EZR: variants seen among roughly 807,000 people sequenced by gnomAD.
EZR encodes the protein ezrin, also known as cytovillin 2.
EZR carries 40 observed loss-of-function variants against 74.8 expected under a neutral mutation model. The ratio of observed to expected loss-of-function variants is 0.53; its 90% CI spans 0.42 to 0.70. The LOEUF (loss-of-function observed/expected upper bound fraction) is 0.70. Ranked by LOEUF, EZR falls within the 30% of genes least tolerant of loss-of-function variation. The pLI, the probability that EZR is intolerant of heterozygous loss-of-function variation, is 0.00. For missense variants in EZR, 678 were observed against 755.8 expected (o/e 0.90, Z 1.21); for synonymous variants, 341 against 283.3 (o/e 1.20, Z -2.05).
chr6:158,767,633 CTGTGG>C, intron 12 of EZR, 121 bp from the exon 13 acceptor site: 2 of 1,093,518 alleles, frequency 1.8e-6, no homozygotes, highest in African/African-American at 1.6e-5. Flanking sequence ...CTGTGCTGGG[CTGTGG>C]CTTCGAAGAG....
chr6:158,818,210 T>A, intron 1 of EZR, 44 bp from the exon 2 acceptor site: 1 of 1,131,450 alleles, frequency 8.8e-7, no homozygotes, highest in Non-Finnish European at 1.2e-6. Context: ...CCGCCCTGCC[T>A]CGTCCTCCTG....
At chr6:158,782,966 G>A (rs1256450919) in intron 7 of EZR, among the ~76,000 whole-genome samples, 2 of 152,308 alleles carry the variant, frequency 1.3e-5, no homozygotes, top group Admixed American at 6.5e-5. Flanking sequence ...TGGCTCTGCT[G>A]CTCTACCCAG....
At chr6:158,770,525 T>G (rs1446032424) in intron 10 of EZR, among the ~76,000 whole-genome samples, 1 of 152,208 alleles carries the variant, frequency 6.6e-6, no homozygotes, top group East Asian at 1.9e-4. Flanking sequence ...GATTGAGCAC[T>G]TACCGCAAAA....
intron 8 of EZR, among the ~76,000 whole-genome samples, chr6:158,771,861 C>G (rs1331849343): frequency 5.3e-5 from 8 of 152,212 alleles, no homozygotes; most frequent in Admixed American, 4.6e-4. Flanking sequence ...TCCCCATCCC[C>G]GATGCTTGCC....
intron 8 of EZR, among the ~76,000 whole-genome samples, chr6:158,772,108 A>AG (rs1791129383): frequency 2.0e-5 from 3 of 152,196 alleles, no homozygotes; most frequent in Admixed American, 6.5e-5. Context: ...TGCTCCTGCC[A>AG]CACCAGCTAC....
intron 2 of EZR, chr6:158,789,661 C>T: frequency 2.0e-6 from 1 of 504,938 alleles, no homozygotes; most frequent in Non-Finnish European, 3.9e-6. Flanking sequence ...GCTCTGTCAC[C>T]CAAGCTGGAG....
rs577563500 is a variant in EZR at position 158,776,573 on chromosome 6, C to A, written c.699-69G>T. The stretch of plus-strand genomic sequence containing the variant: ...GTTCTTGGATTGGCTAAGAGAGATT[C>A]GCAAATCAATTCTTATTAGTTCAAT... On this transcript the variant is annotated intron_variant, in intron 7 of 13. Transcript: ENST00000367075. 13 of 1,101,406 alleles carry A rather than the reference C, an allele frequency of 1.2e-5. No homozygotes were observed. The South Asian group carries it at 1.6e-4, about 14-fold the overall frequency. The allele number at this position is 1,101,406 out of a possible 1,614,324, so 68.2% of individuals were successfully genotyped here.
At chr6:158,775,470 T>C (rs1190087214) in intron 8 of EZR, among the ~76,000 whole-genome samples, 3 of 152,248 alleles carry the variant, frequency 2.0e-5, no homozygotes, top group African/African-American at 7.2e-5. Flanking sequence ...GGATTTACCA[T>C]TGCTAAGCAG....
Position 158,781,886 on chromosome 6 carries a change from CCTGA to C in EZR, c.698+1630_698+1633del, listed in dbSNP as rs546231884. Among the ~76,000 whole-genome samples, 5 of 152,170 alleles carry C rather than the reference CCTGA, an allele frequency of 3.3e-5. No individual in the cohort carries two copies. The South Asian group carries it at 6.2e-4, about 19-fold the overall frequency. On this transcript the variant is annotated intron_variant, in intron 7 of 13. Transcript: ENST00000367075. ...TCAAGTGATCCTCCCACCTCAGCCA[CCTGA>C]CTGAGACCACAGGCGTGCACCACCA... is the stretch of plus-strand genomic sequence containing the variant.
At chr6:158,797,573 C>G (rs1031179522) in intron 2 of EZR, among the ~76,000 whole-genome samples, 1 of 152,074 alleles carries the variant, frequency 6.6e-6, no homozygotes, top group African/African-American at 2.4e-5. Context: ...TCCGAAGGTG[C>G]CACTTCAGCA....
chr6:158,771,671 G>A (rs973420092), intron 8 of EZR, among the ~76,000 whole-genome samples: 1 of 152,194 alleles, frequency 6.6e-6, no homozygotes, highest in Admixed American at 6.5e-5. Flanking sequence ...GGTGCCGCGT[G>A]TGTGTGCAGT....
intron 4 of EZR, among the ~76,000 whole-genome samples, chr6:158,785,924 T>C (rs1791568709): frequency 6.6e-6 from 1 of 152,072 alleles, no homozygotes; most frequent in Non-Finnish European, 1.5e-5. Flanking sequence ...TGGTGATGCA[T>C]GCTTATAGTC....
chr6:158,783,744 TA>T, intron 6 of EZR, 78 bp from the exon 7 acceptor site: 3 of 1,475,892 alleles, frequency 2.0e-6, no homozygotes. Context: ...CCAGTATTTT[TA>T]AATTAAGGCG....
At chr6:158,772,020 A>G (rs1263820077) in intron 8 of EZR, among the ~76,000 whole-genome samples, 1 of 151,932 alleles carries the variant, frequency 6.6e-6, no homozygotes, top group African/African-American at 2.4e-5. Context: ...CCTGGGCCCA[A>G]CCCACACAGA....
chr6:158,815,357 C>T (rs999808945), intron 2 of EZR, among the ~76,000 whole-genome samples: 2 of 152,218 alleles, frequency 1.3e-5, no homozygotes, highest in Non-Finnish European at 2.9e-5. Context: ...ATAATTTACA[C>T]ACAGAAAGGC....
At chr6:158,799,337 G>A (rs1049826109) in intron 2 of EZR, among the ~76,000 whole-genome samples, 3 of 152,218 alleles carry the variant, frequency 2.0e-5, no homozygotes, top group Non-Finnish European at 2.9e-5. Flanking sequence ...CCAAGGTCAC[G>A]CTATGACCAA....
chr6:158,796,864 T>C (rs1442628450), intron 2 of EZR, among the ~76,000 whole-genome samples: 1 of 152,218 alleles, frequency 6.6e-6, no homozygotes, highest in Non-Finnish European at 1.5e-5. Flanking sequence ...CAGAATATAG[T>C]TGGGAAAACA....
At chr6:158,803,832 C>T (rs1015187595) in intron 2 of EZR, among the ~76,000 whole-genome samples, 10 of 151,434 alleles carry the variant, frequency 6.6e-5, no homozygotes, top group African/African-American at 2.2e-4. Context: ...ACACAAAAAG[C>T]GGACAAACCA....
At position 158,767,069 on chromosome 6, in the gene EZR, T is replaced by C. The variant is rs1166544580; in HGVS notation, c.1606A>G (p.Ser536Gly). Residue 536 changes from serine (S) to glycine (G), a missense_variant, in exon 14 of 14, where the codon AGC becomes GGC. Coordinates refer to ENST00000367075, the MANE Select transcript of EZR (RefSeq NM_001111077.2). ...RVQRQLLTLS[S>G]ELSQARDENK... Reference sequence around the variant, plus strand: ...TCATCTCGGGCCTGGGACAGCTCGCTGCTCAGCGTCTGTAACATTAAGCAG... The same window carrying C: ...TCATCTCGGGCCTGGGACAGCTCGCCGCTCAGCGTCTGTAACATTAAGCAG... 3.1e-6 allele frequency: 5 copies of C among 1,614,092 alleles called. No homozygotes were observed. Among genetic ancestry groups the C allele is most frequent in the Admixed American group, 3.3e-5 (2 of 60,002 alleles).
Sources: allele counts gnomAD v4.1 joint callset (sites outside exome capture counted in the v4.1 genomes callset), GRCh38; gene constraint gnomAD v4.1.1; transcripts MANE v1.5; gene names NCBI Gene and HGNC (gene_info 2026-07-23, HGNC 2026-07-21).